SLCO1C1: variants seen among roughly 807,000 people sequenced by gnomAD.
SLCO1C1 encodes OAT-RP-5.
In SLCO1C1, 70 loss-of-function variants were observed where a neutral mutation model predicts 76.4. The observed-to-expected ratio is 0.92, with a 90% confidence interval of 0.76 to 1.12. The LOEUF is 1.12. Ranked by LOEUF, SLCO1C1 falls within the 50% of genes most tolerant of loss-of-function variation. The pLI is 0.00. For synonymous variants in SLCO1C1, 306 were observed against 286.1 expected (o/e 1.07, Z -0.70); for missense variants, 912 against 823.8 (o/e 1.11, Z -1.31).
intron 13 of SLCO1C1, among the ~76,000 whole-genome samples, chr12:20,746,477 T>TA (rs35402736): frequency 0.44 from 65,647 of 149,136 alleles, 16,666 homozygotes; most frequent in South Asian, 0.63. Flanking sequence ...AAGCATAGAT[T>TA]AAAAAAAAAA....
At chr12:20,745,577 C>A (rs1272543444) in intron 13 of SLCO1C1, among the ~76,000 whole-genome samples, 1 of 151,982 alleles carries the variant, frequency 6.6e-6, no homozygotes. Flanking sequence ...GTAATCCCAG[C>A]ACTTTGAGAG....
In SLCO1C1 at chr12:20,725,897, A is replaced by G. The variant is rs946942655; in HGVS notation, c.1186+2643A>G. 5.7e-4 allele frequency among the ~76,000 whole-genome samples: 87 copies of G among 152,020 alleles called. 1 individual carries two copies. Among genetic ancestry groups the G allele is most frequent in the Admixed American group, 1.1e-3 (17 of 15,270 alleles). ...TTAATTTGCATTTACCTAAAACTCT[A>G]TTCTTCAAAGTTTCTGACATGTCAT... On this transcript the variant is annotated intron_variant, in intron 9 of 14. Transcript: ENST00000266509.
At chr12:20,740,410 C>T (rs780888389) in intron 12 of SLCO1C1, 42 bp downstream of exon 12, 6 of 1,539,354 alleles carry the variant, frequency 3.9e-6, no homozygotes, top group East Asian at 2.3e-5. Context: ...ACACAAGACA[C>T]AATCATCTCG....
chr12:20,736,587 G>A (rs1948554746), intron 10 of SLCO1C1, among the ~76,000 whole-genome samples: 1 of 152,152 alleles, frequency 6.6e-6, no homozygotes, highest in Non-Finnish European at 1.5e-5. Flanking sequence ...AAGAGGACAT[G>A]TAACTCCTGC....
At chr12:20,740,791 A>ATT (rs1555138947) in intron 12 of SLCO1C1, among the ~76,000 whole-genome samples, 1 of 113,640 alleles carries the variant, frequency 8.8e-6, no homozygotes, top group Non-Finnish European at 1.9e-5. Context: ...TTTTATTTAT[A>ATT]TATATATATA....
intron 7 of SLCO1C1, among the ~76,000 whole-genome samples, chr12:20,721,085 T>G (rs527913490): frequency 6.7e-6 from 1 of 149,536 alleles, no homozygotes; most frequent in African/African-American, 2.4e-5. Context: ...AGATGGAACC[T>G]ACTCCTGATG....
At position 20,737,141 on chromosome 12, in the gene SLCO1C1, T is replaced by C; in HGVS notation, c.1417T>C (p.Phe473Leu). ...KPVSYHERAL[F>L]SDCNSRCKCS... Reference sequence around the variant, plus strand: ...TGTCTCTTATCATGAACGAGCTCTCTTTTCAGATTGCAACTCAAGATGCAA... The same window carrying C: ...TGTCTCTTATCATGAACGAGCTCTCCTTTCAGATTGCAACTCAAGATGCAA... The change falls in exon 11 of 15, where the codon TTT becomes CTT. Residue 473 changes from phenylalanine (F) to leucine (L), a missense_variant. Physicochemically the swap from Phe to Leu is conservative, Grantham distance 22. Coordinates refer to ENST00000266509, the MANE Select transcript of SLCO1C1 (RefSeq NM_017435.5). 1 of 1,547,158 alleles carries C rather than the reference T, an allele frequency of 6.5e-7. No homozygotes were observed. The highest frequency in any genetic ancestry group is 8.7e-7 in the Non-Finnish European group (1 of 1,155,096).
At position 20,706,047 on chromosome 12, in the gene SLCO1C1, C is replaced by G. The variant is rs373359001; in HGVS notation, c.370C>G (p.Leu124Val). 3 of 1,613,122 alleles carry G rather than the reference C, an allele frequency of 1.9e-6. No homozygotes were observed. Among genetic ancestry groups the G allele is most frequent in the South Asian group, 1.1e-5 (1 of 90,992 alleles). The change falls in exon 4 of 15, where the codon CTG becomes GTG. Residue 124 changes from leucine to valine, a missense_variant. Leu to Val is a conservative substitution (Grantham distance 32, BLOSUM62 1). Coordinates refer to ENST00000266509, the MANE Select transcript of SLCO1C1 (RefSeq NM_017435.5). Reference protein sequence around the residue: ...AGCVIMGVGTLLIAMPQFFME... With the variant: ...AGCVIMGVGTVLIAMPQFFME... ...GTGTGTAATCATGGGAGTTGGAACA[C>G]TGCTCATTGCAATGCCTCAGTTCTT...
chr12:20,727,909 T>C (rs1270889991), intron 9 of SLCO1C1, among the ~76,000 whole-genome samples: 1 of 152,234 alleles, frequency 6.6e-6, no homozygotes, highest in Non-Finnish European at 1.5e-5. Context: ...CCTTATAGTG[T>C]CTGGATATTA....
At chr12:20,723,062 A>T in intron 8 of SLCO1C1, 28 bp from the exon 9 acceptor site, 1 of 1,588,494 alleles carries the variant, frequency 6.3e-7, no homozygotes. Flanking sequence ...ACCAACTTTA[A>T]TTAGTCTATG....
At chr12:20,702,117 A>C (rs534688049) in intron 3 of SLCO1C1, among the ~76,000 whole-genome samples, 115 of 152,040 alleles carry the variant, frequency 7.6e-4, no homozygotes, top group African/African-American at 2.4e-3. Context: ...CTGAATTGAT[A>C]AACTAAAAGG....
At chr12:20,722,178 A>G (rs988931591) in intron 8 of SLCO1C1, 129 bp downstream of exon 8, 5 of 1,244,052 alleles carry the variant, frequency 4.0e-6, no homozygotes, top group Non-Finnish European at 5.4e-6. Flanking sequence ...GCAAAAATGG[A>G]AATTGATGTC....
intron 1 of SLCO1C1, among the ~76,000 whole-genome samples, chr12:20,698,146 T>A (rs911764060): frequency 3.3e-5 from 5 of 152,090 alleles, no homozygotes; most frequent in Non-Finnish European, 7.4e-5. Flanking sequence ...TTTTATGTTT[T>A]ATACTCCTAA....
intron 9 of SLCO1C1, among the ~76,000 whole-genome samples, chr12:20,724,473 G>GTA (rs1947859599): frequency 6.9e-6 from 1 of 145,100 alleles, no homozygotes; most frequent in Non-Finnish European, 1.5e-5. Flanking sequence ...GTGTGTGTGT[G>GTA]TGTGTCACAT....
At chr12:20,720,871 C>T (rs1197000703) in intron 7 of SLCO1C1, among the ~76,000 whole-genome samples, 2 of 151,950 alleles carry the variant, frequency 1.3e-5, no homozygotes, top group Non-Finnish European at 2.9e-5. Context: ...GTGGCACATG[C>T]CTGTAATCCC....
intron 6 of SLCO1C1, among the ~76,000 whole-genome samples, chr12:20,716,110 G>A (rs895467676): frequency 2.5e-4 from 38 of 152,270 alleles, no homozygotes; most frequent in Middle Eastern, 3.4e-3. Flanking sequence ...ATTGAGGGGC[G>A]CTACAGCTAG....
intron 1 of SLCO1C1, among the ~76,000 whole-genome samples, chr12:20,698,610 A>G (rs1946375840): frequency 6.6e-6 from 1 of 152,082 alleles, no homozygotes; most frequent in South Asian, 2.1e-4. Context: ...TTCTGCCACA[A>G]TACATGAAAT....
chr12:20,731,937 A>G (rs1055115142), intron 9 of SLCO1C1, among the ~76,000 whole-genome samples: 2 of 152,140 alleles, frequency 1.3e-5, no homozygotes, highest in African/African-American at 2.4e-5. Context: ...CAATAATGCT[A>G]TTATTAGCTC....
chr12:20,717,073 A>C, intron 6 of SLCO1C1, 59 bp from the exon 7 acceptor site: 1 of 1,432,104 alleles, frequency 7.0e-7, no homozygotes, highest in Non-Finnish European at 9.7e-7. Flanking sequence ...AAATTGTATT[A>C]ATTTATCAAA....
Sources: gnomAD v4.1 joint callset for allele counts (sites outside exome capture counted in the v4.1 genomes callset) on GRCh38, gnomAD v4.1.1 for gene constraint, MANE v1.5 for transcripts, NCBI Gene and HGNC (gene_info 2026-07-23, HGNC 2026-07-21) for gene names.